SPATA16: variants seen among roughly 807,000 people sequenced by gnomAD.
SPATA16 encodes spermatogenesis associated 16.
SPATA16 carries 36 observed loss-of-function variants against 63.3 expected under a neutral mutation model. The observed-to-expected ratio is 0.57, with a 90% CI of 0.44 to 0.75. SPATA16 has a LOEUF of 0.75. Ranked by LOEUF, SPATA16 falls within the 30% of genes least tolerant of loss-of-function variation. SPATA16 has a pLI of 0.00. For missense variants in SPATA16, 646 were observed against 679.3 expected (o/e 0.95, Z 0.54); for synonymous variants, 203 against 216.7 (o/e 0.94, Z 0.56).
intron 4 of SPATA16, among the ~76,000 whole-genome samples, chr3:173,015,222 C>G (rs983342516): frequency 6.6e-6 from 1 of 152,030 alleles, no homozygotes; most frequent in African/African-American, 2.4e-5. Flanking sequence ...TGCCAGCATG[C>G]CTGGCTAATT....
chr3:173,048,341 A>G (rs982586675), intron 3 of SPATA16, among the ~76,000 whole-genome samples: 1 of 152,114 alleles, frequency 6.6e-6, no homozygotes, highest in African/African-American at 2.4e-5. Flanking sequence ...AACATAAAAT[A>G]CAGGAGAGAT....
At chr3:173,137,647 T>C (rs1297233732) in intron 1 of SPATA16, among the ~76,000 whole-genome samples, 1 of 152,226 alleles carries the variant, frequency 6.6e-6, no homozygotes, top group Non-Finnish European at 1.5e-5. Flanking sequence ...AACATGATGC[T>C]TCTTCACTGT....
intron 2 of SPATA16, among the ~76,000 whole-genome samples, chr3:173,056,248 T>G (rs781767769): frequency 2.6e-5 from 4 of 152,244 alleles, no homozygotes; most frequent in Non-Finnish European, 5.9e-5. Context: ...AGAAGGAAAT[T>G]GGCAAGTCCT....
At chr3:172,951,143 T>A (rs1733420363) in intron 6 of SPATA16, among the ~76,000 whole-genome samples, 1 of 152,142 alleles carries the variant, frequency 6.6e-6, no homozygotes, top group African/African-American at 2.4e-5. Context: ...TCTGTATGAA[T>A]CAAGCTAGGT....
chr3:172,928,277 A>G (rs1163098595), intron 6 of SPATA16, among the ~76,000 whole-genome samples: 1 of 152,232 alleles, frequency 6.6e-6, no homozygotes, highest in Non-Finnish European at 1.5e-5. Flanking sequence ...TCATTTTTAT[A>G]AACAAGGTAA....
At chr3:173,091,757 T>G (rs761955115) in intron 2 of SPATA16, among the ~76,000 whole-genome samples, 6 of 152,106 alleles carry the variant, frequency 3.9e-5, no homozygotes, top group Non-Finnish European at 7.4e-5. Flanking sequence ...TAAAACCAAT[T>G]GATTTTCAAA....
intron 2 of SPATA16, among the ~76,000 whole-genome samples, chr3:173,057,908 C>T (rs566218664): frequency 2.0e-5 from 3 of 152,088 alleles, no homozygotes; most frequent in Admixed American, 2.0e-4. Context: ...TGGTCCACAA[C>T]AGATTGGGAC....
chr3:173,029,417 GT>G (rs879921705), intron 3 of SPATA16, among the ~76,000 whole-genome samples: 1 of 131,760 alleles, frequency 7.6e-6, no homozygotes, highest in East Asian at 3.2e-4. Flanking sequence ...TTTTTTTTTT[GT>G]TTGTTTGTTT....
In SPATA16 at chr3:173,010,947, A is replaced by T. The variant is rs74344212; in HGVS notation, c.848+8539T>A. On this transcript the variant is annotated intron_variant, in intron 4 of 10. Transcript: ENST00000351008. Reference sequence around the variant, plus strand: ...TCCAAAGTTGAATCAGTAATAAAAAACCTACCAACCAAAAAAAGACCTGGA... The same window carrying T: ...TCCAAAGTTGAATCAGTAATAAAAATCCTACCAACCAAAAAAAGACCTGGA... 5.9e-3 allele frequency among the ~76,000 whole-genome samples: 897 copies of T among 152,164 alleles called. 5 individuals are homozygous for T. Among genetic ancestry groups the T allele is most frequent in the African/African-American group, 0.021 (856 of 41,496 alleles).
intron 10 of SPATA16, among the ~76,000 whole-genome samples, chr3:172,892,649 G>A (rs549559487): frequency 1.1e-4 from 17 of 152,212 alleles, no homozygotes; most frequent in Non-Finnish European, 2.2e-4. Context: ...AAAAATGCTG[G>A]TTAAAGAGAA....
At chr3:173,100,689 CACACACACACACACACACAG>C (rs1737468783) in intron 2 of SPATA16, among the ~76,000 whole-genome samples, 1 of 150,286 alleles carries the variant, frequency 6.7e-6, no homozygotes, top group African/African-American at 2.5e-5. Flanking sequence ...CACACACACA[CACACACACACACACACACAG>C]AGTAAATTCT....
rs948011596 is a variant in SPATA16 at position 173,092,598 on chromosome 3, T to C, written c.612+24522A>G. On this transcript the variant is annotated intron_variant, in intron 2 of 10. Transcript: ENST00000351008. ...GGAAGGGTCCAACAGCCAAAGATTATAGATGGTCCCTAGAAGCTGGAAAAA... is the reference window on the plus strand; with the variant it reads ...GGAAGGGTCCAACAGCCAAAGATTACAGATGGTCCCTAGAAGCTGGAAAAA... Among the ~76,000 whole-genome samples the C allele has an allele frequency of 3.3e-5, 5 of 152,220 alleles. No individual in the cohort carries two copies. The East Asian group carries it at 7.7e-4, about 24-fold the overall frequency.
intron 6 of SPATA16, among the ~76,000 whole-genome samples, chr3:172,925,827 G>A (rs935040179): frequency 1.9e-4 from 29 of 152,050 alleles, no homozygotes; most frequent in Admixed American, 1.9e-3. Context: ...AAGAGACTTC[G>A]ATTTTTCTTT....
intron 3 of SPATA16, among the ~76,000 whole-genome samples, chr3:173,048,514 A>G (rs1736006904): frequency 6.6e-6 from 1 of 152,162 alleles, no homozygotes; most frequent in Non-Finnish European, 1.5e-5. Flanking sequence ...AGCTGTCCAA[A>G]GGATCCTTTG....
At chr3:172,913,540 A>G in intron 10 of SPATA16, 121 bp downstream of exon 10, 2 of 916,784 alleles carry the variant, frequency 2.2e-6, no homozygotes, top group East Asian at 5.2e-5. Flanking sequence ...TAATTAAAAA[A>G]GGAAAACAAA....
At chr3:172,893,924 A>G (rs916539194) in intron 10 of SPATA16, among the ~76,000 whole-genome samples, 2 of 152,244 alleles carry the variant, frequency 1.3e-5, no homozygotes, top group African/African-American at 4.8e-5. Flanking sequence ...TTCATGCCTT[A>G]GGAATTGAGG....
At chr3:172,926,360 G>T (rs1732735190) in intron 6 of SPATA16, among the ~76,000 whole-genome samples, 1 of 152,182 alleles carries the variant, frequency 6.6e-6, no homozygotes, top group Non-Finnish European at 1.5e-5. Context: ...AATTCTTAAT[G>T]ACTGTAAGAG....
intron 4 of SPATA16, among the ~76,000 whole-genome samples, chr3:173,005,956 T>A (rs1043938555): frequency 6.6e-6 from 1 of 152,192 alleles, no homozygotes; most frequent in Non-Finnish European, 1.5e-5. Flanking sequence ...ATTCTGTAAT[T>A]TTAAATCCTT....
At chr3:173,030,532 A>G (rs1201095813) in intron 3 of SPATA16, among the ~76,000 whole-genome samples, 1 of 152,108 alleles carries the variant, frequency 6.6e-6, no homozygotes. Flanking sequence ...ATGAGATACC[A>G]TCTCACACCC....
Sources: allele counts gnomAD v4.1 joint callset (sites outside exome capture counted in the v4.1 genomes callset), GRCh38; gene constraint gnomAD v4.1.1; transcripts MANE v1.5; gene names NCBI Gene and HGNC (gene_info 2026-07-23, HGNC 2026-07-21).